DMD: variants seen among roughly 807,000 people sequenced by gnomAD.
DMD encodes mutant dystrophin.
DMD carries 63 observed loss-of-function variants against 330.1 expected under a neutral mutation model. The observed-to-expected ratio is 0.19, with a 90% CI of 0.16 to 0.24. DMD has a LOEUF of 0.24. Ranked by LOEUF, DMD falls within the 10% of genes least tolerant of loss-of-function variation. The pLI, the probability that DMD is intolerant of heterozygous loss-of-function variation, is 1.00. For missense variants in DMD, 3,344 were observed against 2,684.1 expected (o/e 1.25, Z -5.43); for synonymous variants, 1,223 against 959.8 (o/e 1.27, Z -5.07).
At chrX:31,544,631 T>C (rs955619856) in intron 55 of DMD, among the ~76,000 whole-genome samples, 1 of 111,555 alleles carries the variant, frequency 9.0e-6, no homozygotes, top group South Asian at 3.8e-4. Flanking sequence ...TTTCCTCAAA[T>C]CAGAGCATAA....
At chrX:32,738,010 A>G (rs1019603767) in intron 7 of DMD, among the ~76,000 whole-genome samples, 2 of 111,868 alleles carry the variant, frequency 1.8e-5, no homozygotes, top group Admixed American at 9.5e-5. Flanking sequence ...AGTTGATACC[A>G]TATAAATTGG....
intron 9 of DMD, among the ~76,000 whole-genome samples, chrX:32,665,506 T>C (rs1218454361): frequency 8.9e-6 from 1 of 112,347 alleles, no homozygotes; most frequent in Admixed American, 9.4e-5. Flanking sequence ...TCTTATGTAT[T>C]CAATTAATAC....
At chrX:31,592,075 C>T (rs1356101523) in intron 55 of DMD, among the ~76,000 whole-genome samples, 1 of 109,796 alleles carries the variant, frequency 9.1e-6, no homozygotes, top group East Asian at 2.8e-4. Context: ...AATTTCTCCT[C>T]GCTGTCCCAA....
chrX:32,020,525 C>A (rs1205076002), intron 44 of DMD, among the ~76,000 whole-genome samples: 1 of 111,231 alleles, frequency 9.0e-6, no homozygotes, highest in Non-Finnish European at 1.9e-5. Flanking sequence ...GACCTTAATC[C>A]AATAAGTCTA....
intron 44 of DMD, among the ~76,000 whole-genome samples, chrX:31,997,643 T>G (rs949004382): frequency 7.2e-5 from 8 of 110,780 alleles, no homozygotes; most frequent in Non-Finnish European, 1.1e-4. Flanking sequence ...GCTTGTATTT[T>G]TTTTTCTTTG....
At chrX:33,240,113 C>T (rs753117550) in intron 1 of DMD, among the ~76,000 whole-genome samples, 1 of 110,531 alleles carries the variant, frequency 9.0e-6, no homozygotes, top group African/African-American at 3.3e-5. Flanking sequence ...ATACTCAATC[C>T]GTATCATCAT....
chrX:33,277,316 G>A (rs948598315), intron 1 of DMD, among the ~76,000 whole-genome samples: 1 of 111,731 alleles, frequency 9.0e-6, no homozygotes, highest in Non-Finnish European at 1.9e-5. Flanking sequence ...TGCCTTTGGG[G>A]TGATGAAAAT....
At chrX:32,744,193 A>T (rs953937976) in intron 7 of DMD, among the ~76,000 whole-genome samples, 2 of 102,411 alleles carry the variant, frequency 2.0e-5, no homozygotes, top group Admixed American at 1.1e-4. Context: ...CATTCTTACA[A>T]TTTTTTTTTT....
At chrX:32,660,956 T>A (rs776571543) in intron 9 of DMD, among the ~76,000 whole-genome samples, 2 of 111,152 alleles carry the variant, frequency 1.8e-5, no homozygotes, top group South Asian at 7.4e-4. Context: ...TAGCAGCACA[T>A]CAAGAGCACC....
intron 44 of DMD, among the ~76,000 whole-genome samples, chrX:32,005,617 A>G (rs1292458821): frequency 9.0e-6 from 1 of 111,028 alleles, no homozygotes; most frequent in Non-Finnish European, 1.9e-5. Flanking sequence ...CCAGAGGAGA[A>G]CTACAGAGAT....
intron 17 of DMD, among the ~76,000 whole-genome samples, chrX:32,543,881 A>T (rs889579505): frequency 8.9e-6 from 1 of 112,240 alleles, no homozygotes; most frequent in African/African-American, 3.2e-5. Flanking sequence ...ACAACTATTC[A>T]AACTCTGCCG....
intron 12 of DMD, among the ~76,000 whole-genome samples, chrX:32,604,740 G>A (rs1448842130): frequency 9.2e-5 from 10 of 108,305 alleles, no homozygotes. Context: ...AAAATTGGTA[G>A]CATTTCTATA....
intron 41 of DMD, among the ~76,000 whole-genome samples, chrX:32,331,501 G>C (rs901859496): frequency 2.7e-5 from 3 of 110,999 alleles, no homozygotes; most frequent in Non-Finnish European, 3.8e-5. Flanking sequence ...ATTAATCATA[G>C]ATTTTGCAGT....
At chrX:32,411,407 G>C (rs1217506454) in intron 30 of DMD, among the ~76,000 whole-genome samples, 1 of 111,354 alleles carries the variant, frequency 9.0e-6, no homozygotes, top group Non-Finnish European at 1.9e-5. Context: ...GGGATTACAG[G>C]TGTGAGCCAC....
At chrX:32,997,936 TG>T (rs2093167966) in intron 2 of DMD, among the ~76,000 whole-genome samples, 1 of 112,406 alleles carries the variant, frequency 8.9e-6, no homozygotes, top group Non-Finnish European at 1.9e-5. Flanking sequence ...AAAAACGTAT[TG>T]TTCTTTGTCA....
At chrX:32,424,969 T>A (rs371164474) in intron 29 of DMD, among the ~76,000 whole-genome samples, 123 of 110,898 alleles carry the variant, frequency 1.1e-3, no homozygotes, top group African/African-American at 3.7e-3. Context: ...CAAAGAAAAA[T>A]CCCTTCGCTT....
intron 46 of DMD, 52 bp downstream of exon 46, chrX:31,932,028 A>G (rs757359004): frequency 8.6e-7 from 1 of 1,168,848 alleles, no homozygotes; most frequent in East Asian, 3.0e-5. Context: ...AAATAGATTC[A>G]TATACTTCTT....
chrX:32,725,368 A>C (rs974281664), intron 7 of DMD, among the ~76,000 whole-genome samples: 1 of 111,059 alleles, frequency 9.0e-6, no homozygotes, highest in African/African-American at 3.3e-5. Flanking sequence ...GTTTATATAC[A>C]TGCTATGATT....
intron 62 of DMD, among the ~76,000 whole-genome samples, chrX:31,289,379 G>A (rs1603302467): frequency 9.2e-6 from 1 of 109,102 alleles, no homozygotes; most frequent in East Asian, 2.8e-4. Context: ...TTGCTTATTT[G>A]GTTGTTCTGT....
Sources: allele counts gnomAD v4.1 joint callset (sites outside exome capture counted in the v4.1 genomes callset), GRCh38; gene constraint gnomAD v4.1.1; transcripts MANE v1.5; gene names NCBI Gene and HGNC (gene_info 2026-07-23, HGNC 2026-07-21).